SLIT3: variants seen among roughly 807,000 people sequenced by gnomAD.
SLIT3 encodes slit homolog 3 protein.
Under a neutral mutation model 184.0 loss-of-function variants are expected in SLIT3, and 68 were observed. The ratio of observed to expected loss-of-function variants is 0.37; its 90% CI spans 0.30 to 0.45. SLIT3 has a LOEUF of 0.45. Ranked by LOEUF, SLIT3 falls within the 20% of genes least tolerant of loss-of-function variation. The pLI, the probability that SLIT3 is intolerant of heterozygous loss-of-function variation, is 1.00. For missense variants in SLIT3, 1,707 were observed against 2,026.0 expected (o/e 0.84, Z 3.02); for synonymous variants, 831 against 828.6 (o/e 1.00, Z -0.05).
At chr5:168,965,987 G>T (rs766118143) in intron 4 of SLIT3, among the ~76,000 whole-genome samples, 1 of 151,910 alleles carries the variant, frequency 6.6e-6, no homozygotes, top group African/African-American at 2.4e-5. Context: ...ACAGCGTGTG[G>T]TTCTCTTACC....
chr5:169,043,434 AATG>A (rs1757517045), intron 4 of SLIT3, among the ~76,000 whole-genome samples: 1 of 152,236 alleles, frequency 6.6e-6, no homozygotes, highest in Admixed American at 6.5e-5. Flanking sequence ...GACTTCCTTC[AATG>A]ATAAGAATAA....
At position 168,891,165 on chromosome 5, in the gene SLIT3, A is replaced by G. The variant is rs188451722; in HGVS notation, c.414-7829T>C. Among the ~76,000 whole-genome samples the G allele has an allele frequency of 2.0e-5, 3 of 152,326 alleles. No individual in the cohort carries two copies. The East Asian group carries it at 5.8e-4, about 29-fold the overall frequency. On this transcript the variant is annotated intron_variant, in intron 4 of 35. Transcript: ENST00000519560. ...ATAGCATCCTACTACCTTAAATGTT[A>G]AAGTCTAATTTTAGGGAAAATTTTG...
At chr5:169,257,170 G>C (rs1765987543) in intron 1 of SLIT3, among the ~76,000 whole-genome samples, 1 of 152,154 alleles carries the variant, frequency 6.6e-6, no homozygotes, top group South Asian at 2.1e-4. Flanking sequence ...ACGATTACAG[G>C]AGCACAAGTA....
intron 4 of SLIT3, among the ~76,000 whole-genome samples, chr5:169,098,088 T>TG (rs1377918528): frequency 6.6e-6 from 1 of 152,166 alleles, no homozygotes; most frequent in East Asian, 1.9e-4. Flanking sequence ...GCAAGCTGCC[T>TG]GGGCCTTCCC....
At chr5:168,924,219 G>C in intron 4 of SLIT3, among the ~76,000 whole-genome samples, 1 of 152,202 alleles carries the variant, frequency 6.6e-6, no homozygotes, top group Non-Finnish European at 1.5e-5. Flanking sequence ...TAGACATGGA[G>C]CTAAGTGGTC....
At chr5:168,966,819 G>T (rs886850563) in intron 4 of SLIT3, among the ~76,000 whole-genome samples, 1 of 152,138 alleles carries the variant, frequency 6.6e-6, no homozygotes, top group Non-Finnish European at 1.5e-5. Flanking sequence ...CCCCATGAAC[G>T]TGAGGACAGA....
chr5:168,933,272 G>A (rs1325225531), intron 4 of SLIT3, among the ~76,000 whole-genome samples: 6 of 152,142 alleles, frequency 3.9e-5, no homozygotes, highest in Admixed American at 6.5e-5. Flanking sequence ...GGCTGGGCGC[G>A]GTGGCTCAAG....
At chr5:168,783,544 A>G (rs912872917) in intron 12 of SLIT3, among the ~76,000 whole-genome samples, 3 of 152,240 alleles carry the variant, frequency 2.0e-5, no homozygotes, top group African/African-American at 7.2e-5. Flanking sequence ...GAGGCAGTTC[A>G]GCTTTGCGAG....
intron 4 of SLIT3, among the ~76,000 whole-genome samples, chr5:169,156,960 T>C (rs1027861722): frequency 6.6e-6 from 1 of 152,160 alleles, no homozygotes; most frequent in Non-Finnish European, 1.5e-5. Context: ...ATCTCCAACC[T>C]GGCAGCTTAG....
At chr5:169,111,256 A>G (rs538774734) in intron 4 of SLIT3, among the ~76,000 whole-genome samples, 8 of 152,338 alleles carry the variant, frequency 5.3e-5, no homozygotes, top group South Asian at 2.1e-4. Flanking sequence ...CTGTGAGACT[A>G]TAAATTGCAC....
At chr5:169,176,005 C>A (rs1762972602) in intron 4 of SLIT3, among the ~76,000 whole-genome samples, 2 of 152,212 alleles carry the variant, frequency 1.3e-5, no homozygotes, top group South Asian at 4.1e-4. Flanking sequence ...CTTTATCACC[C>A]AGGGTTTCTT....
At chr5:169,029,299 C>G (rs1756942018) in intron 4 of SLIT3, among the ~76,000 whole-genome samples, 1 of 152,124 alleles carries the variant, frequency 6.6e-6, no homozygotes, top group Non-Finnish European at 1.5e-5. Flanking sequence ...TTTTTGTTAG[C>G]CAGATTCCTT....
chr5:168,817,897 G>A (rs1757389774), intron 7 of SLIT3, among the ~76,000 whole-genome samples: 1 of 152,066 alleles, frequency 6.6e-6, no homozygotes, highest in Non-Finnish European at 1.5e-5. Flanking sequence ...CATCTCCAGC[G>A]ACATGCAGCT....
chr5:169,165,286 C>A (rs1762600503), intron 4 of SLIT3, among the ~76,000 whole-genome samples: 1 of 152,220 alleles, frequency 6.6e-6, no homozygotes, highest in African/African-American at 2.4e-5. Flanking sequence ...TGAGTCTTAA[C>A]TTGTGCCTAG....
intron 4 of SLIT3, among the ~76,000 whole-genome samples, chr5:169,082,133 G>A (rs768173525): frequency 6.6e-6 from 1 of 152,146 alleles, no homozygotes; most frequent in Non-Finnish European, 1.5e-5. Context: ...AGTGTCCTTA[G>A]CAGGGACTCC....
intron 4 of SLIT3, among the ~76,000 whole-genome samples, chr5:168,911,266 G>T (rs1367125254): frequency 1.3e-5 from 2 of 152,154 alleles, no homozygotes; most frequent in Non-Finnish European, 2.9e-5. Context: ...CATTTTGAAT[G>T]ATTTATGGGG....
intron 1 of SLIT3, among the ~76,000 whole-genome samples, chr5:169,293,275 TG>T (rs1489768313): frequency 6.6e-6 from 1 of 152,012 alleles, no homozygotes; most frequent in Non-Finnish European, 1.5e-5. Context: ...TTATTAGGAT[TG>T]TGGTTTTTTT....
intron 4 of SLIT3, among the ~76,000 whole-genome samples, chr5:168,967,631 G>A (rs1254034664): frequency 1.3e-4 from 18 of 139,744 alleles, no homozygotes; most frequent in African/African-American, 4.5e-4. Flanking sequence ...TAGTAGAGAC[G>A]GGGTTTCACC....
chr5:169,048,973 C>T (rs1402516621), intron 4 of SLIT3, among the ~76,000 whole-genome samples: 1 of 152,158 alleles, frequency 6.6e-6, no homozygotes, highest in Non-Finnish European at 1.5e-5. Flanking sequence ...GACGCCACAA[C>T]CAGCATAGTA....
Sources: allele counts gnomAD v4.1 joint callset (sites outside exome capture counted in the v4.1 genomes callset), GRCh38; gene constraint gnomAD v4.1.1; transcripts MANE v1.5; gene names NCBI Gene and HGNC (gene_info 2026-07-23, HGNC 2026-07-21).